Variants in EIF3M observed in about 807,000 individuals in gnomAD.
The protein encoded by EIF3M is B5 receptor.
In EIF3M, 25 loss-of-function variants were observed where a neutral mutation model predicts 49.7. That is an observed-to-expected ratio of 0.50 (90% CI 0.37 to 0.70). EIF3M has a LOEUF of 0.70. Among genes scored for constraint, EIF3M ranks in the 30% least tolerant of loss-of-function variants. The pLI, the probability that EIF3M is intolerant of heterozygous loss-of-function variation, is 0.00. For missense variants in EIF3M, 350 were observed against 440.0 expected (o/e 0.80, Z 1.83); for synonymous variants, 156 against 149.8 (o/e 1.04, Z -0.30).
At position 32,601,764 on chromosome 11, in the gene EIF3M, G is replaced by T; in HGVS notation, c.946G>T (p.Val316Leu). 1 of 1,611,274 alleles carries T rather than the reference G, an allele frequency of 6.2e-7. No homozygotes were observed. Among genetic ancestry groups the T allele is most frequent in the Non-Finnish European group, 8.5e-7 (1 of 1,178,446 alleles). ...CGATATAAAACATCTTTTTTCAGCC[G>T]TAAGAACTAAAATGGTCTACTGCAA... ...DDVEAFVIDA[V>L]RTKMVYCKID... is the part of the protein sequence containing the mutation. Residue 316 changes from valine to leucine, a missense_variant and splice_region_variant, in exon 10 of 11, where the codon GTA becomes TTA. Coordinates refer to ENST00000531120, the MANE Select transcript of EIF3M (RefSeq NM_006360.6).
chr11:32,604,524 G>C lies in EIF3M; in HGVS notation c.*2125G>C, dbSNP rs922642047. 2.6e-5 allele frequency: 4 copies of C among 152,084 alleles called. No individual in the cohort carries two copies. Among genetic ancestry groups the C allele is most frequent in the African/African-American group, 4.8e-5 (2 of 41,398 alleles). 9.4% of individuals were successfully genotyped at this position (152,084 alleles called of 1,614,324 possible). ...TTAAAGAGTTTGTGTAAATCTTCTG[G>C]TCTCTTTTCTGTATACACTTTTTAA... On this transcript the variant is annotated 3_prime_UTR_variant, in exon 11 of 11. Coordinates refer to ENST00000531120, the MANE Select transcript of EIF3M (RefSeq NM_006360.6).
Position 32,586,996 on chromosome 11 carries a change from G to A in EIF3M, c.43-16G>A, listed in dbSNP as rs750825644. The A allele has an allele frequency of 1.9e-6, 3 of 1,592,484 alleles. No individual in the cohort carries two copies. Among genetic ancestry groups the A allele is most frequent in the South Asian group, 2.3e-5 (2 of 87,624 alleles). ...GTCATTCGTAGTCAGTTTTATAATA[G>A]AGCAATCCTCAACAGGCTGCTGAGC... is the stretch of plus-strand genomic sequence containing the variant. On this transcript the variant is annotated splice_polypyrimidine_tract_variant and intron_variant, in intron 1 of 10. Coordinates refer to ENST00000531120, the MANE Select transcript of EIF3M (RefSeq NM_006360.6).
At chr11:32,600,907 C>A (rs915108894) in intron 9 of EIF3M, 75 bp downstream of exon 9, 3 of 1,493,920 alleles carry the variant, frequency 2.0e-6, no homozygotes, top group Admixed American at 4.5e-5. Flanking sequence ...AGATTTTTAT[C>A]TGGAAACTGA....
intron 8 of EIF3M, among the ~76,000 whole-genome samples, chr11:32,599,529 A>G (rs573153069): frequency 6.6e-6 from 1 of 152,100 alleles, no homozygotes; most frequent in South Asian, 2.1e-4. Flanking sequence ...GAGTGTTTAG[A>G]GAGTGAACTT....
chr11:32,588,788 A>C lies in EIF3M; in HGVS notation c.314+56A>C, dbSNP rs544993751. On this transcript the variant is annotated intron_variant, in intron 3 of 10. Coordinates refer to ENST00000531120, the MANE Select transcript of EIF3M (RefSeq NM_006360.6). ...TTCTAGGTGCTTTTTTCATGTTACT[A>C]ACTTTTAATGGTGCAGAGCAGGAAT... 14 of 1,608,706 alleles carry C rather than the reference A, an allele frequency of 8.7e-6. No homozygotes were observed. The African/African-American group carries it at 1.6e-4, about 19-fold the overall frequency.
chr11:32,602,424 C>T lies in EIF3M; in HGVS notation c.*25C>T, dbSNP rs779346728. 13 of 1,595,604 alleles carry T rather than the reference C, an allele frequency of 8.1e-6. No homozygotes were observed. In the East Asian group the frequency reaches 2.9e-4, roughly 36 times the overall value. On this transcript the variant is annotated 3_prime_UTR_variant, in exon 11 of 11. Transcript: ENST00000531120. ...AGTTTTTATGCTTATAATTTTTGTT[C>T]TTTGAAAAAAAAGCCCTAAATCATA...
chr11:32,592,233 T>A (rs1218831813), intron 5 of EIF3M: 1 of 404,928 alleles, frequency 2.5e-6, no homozygotes, highest in Non-Finnish European at 4.7e-6. Flanking sequence ...CAACTGCATC[T>A]GTTGTTTAAA....
intron 1 of EIF3M, among the ~76,000 whole-genome samples, chr11:32,585,861 G>A (rs1037878658): frequency 1.3e-5 from 2 of 151,278 alleles, no homozygotes; most frequent in Non-Finnish European, 2.9e-5. Context: ...TTTTGGCTTG[G>A]TCTAGAAAAT....
At chr11:32,597,890 A>G (rs1476225305) in intron 8 of EIF3M, among the ~76,000 whole-genome samples, 2 of 152,146 alleles carry the variant, frequency 1.3e-5, no homozygotes, top group Non-Finnish European at 2.9e-5. Flanking sequence ...GTCTATTTTG[A>G]TAGTCTTCAA....
chr11:32,600,559 A>G (rs1197410632), intron 8 of EIF3M, 130 bp from the exon 9 acceptor site: 8 of 1,132,858 alleles, frequency 7.1e-6, no homozygotes, highest in East Asian at 2.9e-5. Flanking sequence ...ATTGTTCTAT[A>G]TAAGTGCTCA....
chr11:32,585,709 T>C (rs889138499), intron 1 of EIF3M, among the ~76,000 whole-genome samples: 3 of 152,164 alleles, frequency 2.0e-5, no homozygotes, highest in African/African-American at 7.2e-5. Flanking sequence ...TAATTTTGCT[T>C]ATAATACCAA....
At chr11:32,592,980 T>C (rs549155878) in intron 5 of EIF3M, among the ~76,000 whole-genome samples, 1 of 152,356 alleles carries the variant, frequency 6.6e-6, no homozygotes, top group South Asian at 2.1e-4. Context: ...ACATTTAAGA[T>C]GCGGGTTACC....
chr11:32,587,496 A>G (rs1855019886), intron 2 of EIF3M, among the ~76,000 whole-genome samples: 1 of 152,224 alleles, frequency 6.6e-6, no homozygotes, highest in African/African-American at 2.4e-5. Context: ...GAGTCTAAGC[A>G]CTGTTGTTTT....
chr11:32,583,997 G>T (rs1177376999), intron 1 of EIF3M, 68 bp downstream of exon 1: 2 of 1,596,720 alleles, frequency 1.3e-6, no homozygotes, highest in Admixed American at 3.4e-5. Flanking sequence ...AGGGACCGCT[G>T]CCGAGCCTGG....
intron 9 of EIF3M, 62 bp downstream of exon 9, chr11:32,600,894 G>A (rs1237062257): frequency 6.6e-7 from 1 of 1,511,448 alleles, no homozygotes; most frequent in Non-Finnish European, 8.8e-7. Context: ...ATGGATCATA[G>A]TAAGATTTTT....
intron 2 of EIF3M, 123 bp from the exon 3 acceptor site, chr11:32,588,471 T>C: frequency 8.8e-7 from 1 of 1,134,022 alleles, no homozygotes; most frequent in Non-Finnish European, 1.2e-6. Context: ...AGTTGCTTTC[T>C]GAATGCGAAA....
intron 5 of EIF3M, among the ~76,000 whole-genome samples, chr11:32,593,162 A>G (rs1210358134): frequency 6.6e-6 from 1 of 152,254 alleles, no homozygotes; most frequent in African/African-American, 2.4e-5. Context: ...AAAGGAAAAG[A>G]AAAACCTCTT....
chr11:32,589,132 T>C lies in EIF3M; in HGVS notation c.435T>C (p.Asp145=). 1.2e-6 allele frequency: 2 copies of C among 1,613,910 alleles called. No homozygotes were observed. The highest frequency in any genetic ancestry group is 1.7e-6 in the Non-Finnish European group (2 of 1,179,946). Residue 145 remains aspartate, a synonymous_variant, in exon 4 of 11, where the codon GAT becomes GAC. Transcript: ENST00000531120. ...TCCAGTACATCCCAACTGAGCTGGA[T>C]CAAGTGAGTTACTGTGTGGAATAGT... The part of the protein sequence containing the change: ...GAIQYIPTEL[D]QVRKWISDWN...
Position 32,602,855 on chromosome 11 carries a change from T to C in EIF3M, c.*456T>C. 1 of 1,610,088 alleles carries C rather than the reference T, an allele frequency of 6.2e-7. No individual in the cohort carries two copies. Among genetic ancestry groups the C allele is most frequent in the Non-Finnish European group, 8.5e-7 (1 of 1,178,532 alleles). On this transcript the variant is annotated 3_prime_UTR_variant, in exon 11 of 11. Coordinates refer to ENST00000531120, the MANE Select transcript of EIF3M (RefSeq NM_006360.6). ...TTTTCCAACGTCTCTTCTGCTTTTC[T>C]TTTCTTTGGCTGGTTGTCATTTTCT...
Sources: allele counts gnomAD v4.1 joint callset (sites outside exome capture counted in the v4.1 genomes callset), GRCh38; gene constraint gnomAD v4.1.1; transcripts MANE v1.5; gene names NCBI Gene and HGNC (gene_info 2026-07-23, HGNC 2026-07-21).